The following MTCL1 variants were observed in gnomAD, a reference collection of about 807,000 sequenced individuals.
MTCL1 encodes the protein microtubule cross-linking factor 1.
MTCL1 carries 79 observed loss-of-function variants against 141.4 expected under a neutral mutation model. The ratio of observed to expected loss-of-function variants is 0.56; its 90% CI spans 0.47 to 0.67. The LOEUF is 0.67. Ranked by LOEUF, MTCL1 falls within the 30% of genes least tolerant of loss-of-function variation. The pLI, the probability that MTCL1 is intolerant of heterozygous loss-of-function variation, is 0.00. For synonymous variants in MTCL1, 914 were observed against 875.8 expected, an observed-to-expected ratio of 1.04 and a Z score of -0.77; for missense variants, 2,177 against 2,113.9, an observed-to-expected ratio of 1.03 and a Z score of -0.59.
intron 4 of MTCL1, among the ~76,000 whole-genome samples, chr18:8,741,299 C>T (rs1028028180): frequency 2.6e-5 from 4 of 152,200 alleles, no homozygotes; most frequent in Non-Finnish European, 5.9e-5. Flanking sequence ...TCCCTGCCGT[C>T]CATGTGGAAT....
chr18:8,782,195 C>T (rs1010876095), intron 5 of MTCL1: 2 of 152,188 alleles, frequency 1.3e-5, no homozygotes. Flanking sequence ...AATTCTCCCC[C>T]GGGGGCTGAC....
intron 1 of MTCL1, among the ~76,000 whole-genome samples, chr18:8,711,954 C>T (rs955502906): frequency 6.6e-6 from 1 of 152,186 alleles, no homozygotes; most frequent in African/African-American, 2.4e-5. Context: ...GTCAGACAAG[C>T]CGGAGTGCTC....
intron 11 of MTCL1, chr18:8,809,983 G>A: frequency 6.2e-6 from 1 of 161,668 alleles, no homozygotes; most frequent in Non-Finnish European, 1.3e-5. Context: ...ATTAGTGGAA[G>A]GAGAAGAGAT....
Position 8,706,580 on chromosome 18 carries a change from C to T in MTCL1, c.920C>T (p.Pro307Leu). The T allele has an allele frequency of 2.0e-6, 3 of 1,490,784 alleles. 1 individual carries two copies. In the Admixed American group the frequency reaches 6.9e-5, roughly 34 times the overall value. The allele number at this position is 1,490,784 out of a possible 1,614,324, so 92.3% of individuals were successfully genotyped here. ...GCGGAGGATGTCCGGGGGCGCTCGCCACCGGAGCGACCAGTCCCCGGGACC... is the reference window on the plus strand; with the variant it reads ...GCGGAGGATGTCCGGGGGCGCTCGCTACCGGAGCGACCAGTCCCCGGGACC... Residue 307 changes from proline to leucine, a missense_variant, in exon 1 of 14, where the codon CCA becomes CTA. Physicochemically the swap from Pro to Leu is moderately conservative, Grantham distance 98. Coordinates refer to the MTCL1 transcript ENST00000306329.
chr18:8,775,893 C>T (rs1482703860), intron 4 of MTCL1, among the ~76,000 whole-genome samples: 1 of 152,186 alleles, frequency 6.6e-6, no homozygotes, highest in Non-Finnish European at 1.5e-5. Context: ...TTTTCCGGGT[C>T]TCCAGCCTCC....
chr18:8,759,620 C>T (rs12606074), intron 4 of MTCL1, among the ~76,000 whole-genome samples: 35,252 of 152,130 alleles, frequency 0.23, 4,740 homozygotes, highest in Middle Eastern at 0.36. Flanking sequence ...TTTCAAAGAG[C>T]CAAAGGCCAT....
chr18:8,785,740 A>C, intron 6 of MTCL1, 196 bp from the exon 6 acceptor site: 1 of 644,280 alleles, frequency 1.6e-6, no homozygotes, highest in Non-Finnish European at 2.6e-6. Context: ...TGTTTTCTTC[A>C]CTTTCTTACA....
intron 10 of MTCL1, among the ~76,000 whole-genome samples, chr18:8,802,978 C>T (rs1389616985): frequency 6.6e-6 from 1 of 152,136 alleles, no homozygotes; most frequent in African/African-American, 2.4e-5. Flanking sequence ...TGATTCTTGA[C>T]TTGATTTGGG....
rs181859575 is a variant in MTCL1 at position 8,756,767 on chromosome 18, G to A, written c.358-21066G>A. On this transcript the variant is annotated intron_variant, in intron 4 of 16. Transcript: ENST00000359865. The stretch of plus-strand genomic sequence containing the variant: ...TGAGCATCTGGGATGTGGCCAAACC[G>A]CAGGGTGCTTCAAAAAGCCTCTGAA... Among the ~76,000 whole-genome samples the A allele has an allele frequency of 1.6e-3, 250 of 152,250 alleles. 3 individuals carry two copies. The highest frequency in any genetic ancestry group is 1.5e-3 in the Non-Finnish European group (103 of 68,014).
At chr18:8,803,480 G>A (rs186379967) in intron 10 of MTCL1, among the ~76,000 whole-genome samples, 17 of 152,292 alleles carry the variant, frequency 1.1e-4, no homozygotes, top group African/African-American at 3.8e-4. Context: ...TTTTTTGCCT[G>A]TGTGCGAAAG....
chr18:8,763,936 A>G (rs1011831965), intron 4 of MTCL1, among the ~76,000 whole-genome samples: 1 of 151,474 alleles, frequency 6.6e-6, no homozygotes, highest in Non-Finnish European at 1.5e-5. Context: ...TTTCCTATGA[A>G]TTAACAGATT....
chr18:8,726,249 G>A (rs1291860666), intron 4 of MTCL1, among the ~76,000 whole-genome samples: 2 of 141,332 alleles, frequency 1.4e-5, no homozygotes, highest in African/African-American at 5.2e-5. Context: ...TTTCTTTTGG[G>A]TAGTATTGGC....
intron 4 of MTCL1, among the ~76,000 whole-genome samples, chr18:8,730,149 C>G (rs903371994): frequency 6.6e-6 from 1 of 152,048 alleles, no homozygotes; most frequent in Non-Finnish European, 1.5e-5. Flanking sequence ...TGCTCTGTTC[C>G]ATTGATCTCT....
intron 4 of MTCL1, among the ~76,000 whole-genome samples, chr18:8,725,019 G>A (rs968633308): frequency 4.0e-5 from 6 of 150,394 alleles, no homozygotes; most frequent in African/African-American, 7.4e-5. Context: ...TACCTATAGT[G>A]GAATCTCTCA....
chr18:8,718,420 A>G lies in MTCL1; in HGVS notation c.-27-4A>G. ...CATAAATCTTCTCTGTCTGATTTGC[A>G]TAGGATGAGTTAGATGAACTCCGTG... On this transcript the variant is annotated splice_region_variant and splice_polypyrimidine_tract_variant and intron_variant, in intron 2 of 16. Coordinates refer to ENST00000359865, the Ensembl canonical transcript of MTCL1. 3 of 1,613,876 alleles carry G rather than the reference A, an allele frequency of 1.9e-6. No homozygotes were observed. Among genetic ancestry groups the G allele is most frequent in the South Asian group, 1.1e-5 (1 of 91,054 alleles).
chr18:8,789,471 T>C (rs1023058893), intron 7 of MTCL1: 1 of 985,322 alleles, frequency 1.0e-6, no homozygotes, highest in African/African-American at 1.7e-5. Flanking sequence ...GTTATCTTCT[T>C]AAGTGTGGGA....
At position 8,813,342 on chromosome 18, in the gene MTCL1, T is replaced by C. The variant is rs1004997237; in HGVS notation, c.2859+109T>C. 3.9e-6 allele frequency: 5 copies of C among 1,288,742 alleles called. No homozygotes were observed. The African/African-American group carries it at 4.5e-5, about 12-fold the overall frequency. 79.8% of individuals were successfully genotyped at this position (1,288,742 alleles called of 1,614,324 possible). A position where few individuals can be genotyped will look rare whatever the true frequency, so the allele number is the denominator to read the frequency against. On this transcript the variant is annotated intron_variant, in intron 12 of 16. Coordinates refer to ENST00000359865, the Ensembl canonical transcript of MTCL1. ...CTTCATGGTCCTTGCAGCATCAGGA[T>C]GCATGGGCTTCCAAAGGAAGAGAGA...
chr18:8,826,177 G>T, exon 15 of MTCL1: 1 of 1,611,928 alleles, frequency 6.2e-7, no homozygotes, highest in Non-Finnish European at 8.5e-7. Context: ...GGGCCCCCGG[G>T]TCTCCACAGT....
intron 4 of MTCL1, among the ~76,000 whole-genome samples, chr18:8,729,906 A>AT (rs967861001): frequency 4.0e-5 from 6 of 151,824 alleles, no homozygotes; most frequent in African/African-American, 1.5e-4. Flanking sequence ...TCTCCTATGT[A>AT]TTTTTTGGAA....
Sources: allele counts gnomAD v4.1 joint callset (sites outside exome capture counted in the v4.1 genomes callset), GRCh38; gene constraint gnomAD v4.1.1; transcripts MANE v1.5; gene names NCBI Gene and HGNC (gene_info 2026-07-23, HGNC 2026-07-21).